PRDX6: variants seen among roughly 807,000 people sequenced by gnomAD.
PRDX6 encodes peroxiredoxin 6.
In PRDX6, 13 loss-of-function variants were observed where a neutral mutation model predicts 20.0. The ratio of observed to expected loss-of-function variants is 0.65; its 90% CI spans 0.42 to 1.03. The LOEUF (loss-of-function observed/expected upper bound fraction) is 1.03, where lower values mean the gene tolerates loss of function less well. PRDX6 is among the 50% of genes least tolerant of loss of function. The pLI is 0.00. For missense variants in PRDX6, 203 were observed against 276.9 expected, an observed-to-expected ratio of 0.73 and a Z score of 1.89; for synonymous variants, 85 against 100.8, an observed-to-expected ratio of 0.84 and a Z score of 0.94.
Position 173,487,843 on chromosome 1 carries a change from C to T in PRDX6, c.655C>T (p.Arg219Cys), listed in dbSNP as rs779180396. 17 of 1,613,020 alleles carry T rather than the reference C, an allele frequency of 1.1e-5. No individual in the cohort carries two copies. The highest frequency in any genetic ancestry group is 2.2e-5 in the South Asian group (2 of 91,030). Residue 219 changes from arginine to cysteine, a missense_variant, in exon 5 of 5, where the codon CGC (arginine) becomes TGC (cysteine). Coordinates refer to ENST00000340385, the MANE Select transcript of PRDX6 (RefSeq NM_004905.3). ...GCTCCCATCTGGCAAGAAATACCTC[C>T]GCTACACACCCCAGCCTTAAGTCTC... The part of the protein sequence containing the change: ...KELPSGKKYL[R>C]YTPQP
intron 2 of PRDX6, among the ~76,000 whole-genome samples, chr1:173,483,644 T>G (rs1267789163): frequency 6.6e-6 from 1 of 152,244 alleles, no homozygotes; most frequent in East Asian, 1.9e-4. Context: ...ACAATGGTTT[T>G]GTATCTGCTA....
At position 173,481,318 on chromosome 1, in the gene PRDX6, C is replaced by A; in HGVS notation, c.96-8C>A. On this transcript the variant is annotated splice_region_variant and splice_polypyrimidine_tract_variant and intron_variant, in intron 1 of 4. Coordinates refer to ENST00000340385, the MANE Select transcript of PRDX6 (RefSeq NM_004905.3). ...ATTCAATTGTGACCTTGTTTTTCTT[C>A]CTTTCAGATGGGGCATTCTCTTCTC... 1 of 1,608,990 alleles carries A rather than the reference C, an allele frequency of 6.2e-7. No individual in the cohort carries two copies. The highest frequency in any genetic ancestry group is 1.7e-5 in the Admixed American group (1 of 59,368).
intron 2 of PRDX6, among the ~76,000 whole-genome samples, chr1:173,482,447 C>T (rs1286943821): frequency 1.3e-5 from 2 of 152,202 alleles, no homozygotes; most frequent in African/African-American, 4.8e-5. Flanking sequence ...GAACAATGCT[C>T]ACTACTCAGT....
At chr1:173,480,569 A>G (rs189181166) in intron 1 of PRDX6, among the ~76,000 whole-genome samples, 1 of 152,238 alleles carries the variant, frequency 6.6e-6, no homozygotes, top group Non-Finnish European at 1.5e-5. Context: ...TATTTACCTA[A>G]GAATTTGCTG....
At chr1:173,477,818 A>G (rs1047019740) in intron 1 of PRDX6, among the ~76,000 whole-genome samples, 3 of 152,124 alleles carry the variant, frequency 2.0e-5, no homozygotes, top group Non-Finnish European at 2.9e-5. Context: ...CTGGAAACTC[A>G]CCGCCCGCGG....
Position 173,487,730 on chromosome 1 carries a change from A to T in PRDX6, c.547-5A>T. The stretch of plus-strand genomic sequence containing the variant: ...AATTTCACCATTCTCAATGTCTTTC[A>T]ATAGGATGGGGATAGTGTGATGGTC... On this transcript the variant is annotated splice_region_variant and splice_polypyrimidine_tract_variant and intron_variant, in intron 4 of 4. Transcript: ENST00000340385. 1 of 1,613,784 alleles carries T rather than the reference A, an allele frequency of 6.2e-7. No homozygotes were observed. Among genetic ancestry groups the T allele is most frequent in the Non-Finnish European group, 8.5e-7 (1 of 1,179,886 alleles).
chr1:173,482,542 T>C (rs1658821321), intron 2 of PRDX6, among the ~76,000 whole-genome samples: 1 of 152,240 alleles, frequency 6.6e-6, no homozygotes, highest in Non-Finnish European at 1.5e-5. Flanking sequence ...ACTTGAACAG[T>C]AAATTTGGTG....
At chr1:173,482,068 A>G (rs1231304798) in intron 2 of PRDX6, 1 of 152,442 alleles carries the variant, frequency 6.6e-6, no homozygotes, top group Non-Finnish European at 1.5e-5. Context: ...AGCTAATGGC[A>G]ACTACATTTT....
At chr1:173,479,652 G>A (rs1658769477) in intron 1 of PRDX6, among the ~76,000 whole-genome samples, 1 of 152,210 alleles carries the variant, frequency 6.6e-6, no homozygotes, top group Non-Finnish European at 1.5e-5. Flanking sequence ...TTCTCTTGAA[G>A]GAGGAAACCT....
intron 1 of PRDX6, among the ~76,000 whole-genome samples, chr1:173,480,795 C>CT (rs1233329028): frequency 6.6e-6 from 1 of 152,138 alleles, no homozygotes; most frequent in African/African-American, 2.4e-5. Flanking sequence ...CAAGTGTCAA[C>CT]TTTAATTTTT....
intron 2 of PRDX6, among the ~76,000 whole-genome samples, chr1:173,484,191 CAT>C (rs1270981428): frequency 2.7e-4 from 38 of 139,640 alleles, no homozygotes; most frequent in African/African-American, 6.6e-4. Flanking sequence ...CACACACACA[CAT>C]ACATATATAT....
At chr1:173,477,557 G>A in intron 1 of PRDX6, 65 bp downstream of exon 1, 1 of 1,336,452 alleles carries the variant, frequency 7.5e-7, no homozygotes, top group Non-Finnish European at 1.0e-6. Flanking sequence ...TGCCTTCCCT[G>A]TTTCTTCTCC....
chr1:173,485,096 A>T (rs1210833904), intron 2 of PRDX6, among the ~76,000 whole-genome samples: 1 of 152,222 alleles, frequency 6.6e-6, no homozygotes, highest in East Asian at 1.9e-4. Context: ...TCATAGCAGT[A>T]AAAGCATGCT....
intron 1 of PRDX6, among the ~76,000 whole-genome samples, chr1:173,479,131 G>C (rs1658760385): frequency 6.6e-6 from 1 of 152,110 alleles, no homozygotes; most frequent in South Asian, 2.1e-4. Context: ...AGTTATAAAT[G>C]CTGTCACTTT....
chr1:173,477,457 CG>C lies in PRDX6; in HGVS notation c.62del (p.Gly21AlafsTer48), dbSNP rs1658715403. ...APNFEANTTVGRIRFHDFLGD... is the reference protein window; with the variant it reads ...APNFEANTTVXRIRFHDFLGD... ...CCAACTTTGAGGCCAATACCACCGT[CG>C]GCCGCATCCGTTTCCACGACTTTCT... is the stretch of plus-strand genomic sequence containing the variant. On this transcript the variant is annotated frameshift_variant, in exon 1 of 5. Transcript: ENST00000340385. LOFTEE classifies it high-confidence loss of function. 1 of 1,607,786 alleles carries C rather than the reference CG, an allele frequency of 6.2e-7. No individual in the cohort carries two copies. The highest frequency in any genetic ancestry group is 8.5e-7 in the Non-Finnish European group (1 of 1,177,466).
At chr1:173,484,483 G>A (rs1658863341) in intron 2 of PRDX6, among the ~76,000 whole-genome samples, 1 of 152,038 alleles carries the variant, frequency 6.6e-6, no homozygotes, top group Admixed American at 6.6e-5. Flanking sequence ...CTAACCAAAT[G>A]AGAAGTTCCT....
chr1:173,484,889 C>T (rs1658871638), intron 2 of PRDX6, among the ~76,000 whole-genome samples: 1 of 149,872 alleles, frequency 6.7e-6, no homozygotes, highest in Non-Finnish European at 1.5e-5. Context: ...TGTAACTTAG[C>T]ATCTGAGTCA....
At position 173,481,472 on chromosome 1, in the gene PRDX6, C is replaced by T. The variant is rs1658800297; in HGVS notation, c.242C>T (p.Ala81Val). 1 of 1,613,848 alleles carries T rather than the reference C, an allele frequency of 6.2e-7. No individual in the cohort carries two copies. Among genetic ancestry groups the T allele is most frequent in the African/African-American group, 1.3e-5 (1 of 74,888 alleles). The stretch of plus-strand genomic sequence containing the variant: ...ATAGACAGTGTTGAGGACCATCTTG[C>T]CTGGAGCAAGGTTAGTATCAATTGG... Reference protein sequence around the residue: ...LSIDSVEDHLAWSKDINAYNC... With the variant: ...LSIDSVEDHLVWSKDINAYNC... The change falls in exon 2 of 5, where the codon GCC becomes GTC. Residue 81 changes from alanine to valine, a missense_variant. By Grantham distance (64) the Ala-to-Val change is moderately conservative (BLOSUM62 0). Transcript: ENST00000340385.
rs776962757 is a variant in PRDX6 at position 173,485,471 on chromosome 1, G to A, written c.363G>A (p.Glu121=). 3.7e-6 allele frequency: 6 copies of A among 1,608,608 alleles called. No homozygotes were observed. The East Asian group carries it at 1.3e-4, about 36-fold the overall frequency. The part of the protein sequence containing the change: ...AILLGMLDPA[E]KDEKGMPVTA... Reference sequence around the variant, plus strand: ...TGTTGGGCATGCTGGATCCAGCAGAGAAGGATGAAAAGGGCATGCCTGTGA... The same window carrying A: ...TGTTGGGCATGCTGGATCCAGCAGAAAAGGATGAAAAGGGCATGCCTGTGA... Residue 121 remains glutamate (E), a synonymous_variant, in exon 3 of 5, where the codon GAG becomes GAA. Transcript: ENST00000340385.
Sources: allele counts gnomAD v4.1 joint callset (sites outside exome capture counted in the v4.1 genomes callset), GRCh38; gene constraint gnomAD v4.1.1; transcripts MANE v1.5; gene names NCBI Gene and HGNC (gene_info 2026-07-23, HGNC 2026-07-21).